Variants in CCDC141 observed in about 807,000 individuals in gnomAD.
The protein encoded by CCDC141 is coiled-coil domain-containing protein 141.
A neutral mutation model predicts 181.0 loss-of-function variants in CCDC141; 168 were observed. The observed-to-expected ratio is 0.93, with a 90% CI of 0.82 to 1.05. The LOEUF (loss-of-function observed/expected upper bound fraction) is 1.05. Among genes scored for constraint, CCDC141 ranks in the 50% least tolerant of loss-of-function variants. The pLI is 0.00. For synonymous variants in CCDC141, 666 were observed against 642.3 expected (o/e 1.04, Z -0.56); for missense variants, 1,902 against 1,788.5 (o/e 1.06, Z -1.14).
At chr2:178,895,409 T>G (rs1305948955) in intron 8 of CCDC141, among the ~76,000 whole-genome samples, 2 of 152,172 alleles carry the variant, frequency 1.3e-5, no homozygotes, top group East Asian at 1.9e-4. Flanking sequence ...GGAGGTTCTG[T>G]AGGTCCAGAT....
At chr2:178,816,963 C>T in the CCDC141 span, among the ~76,000 whole-genome samples, 2 of 152,038 alleles carry the variant, frequency 1.3e-5, no homozygotes, top group South Asian at 4.2e-4. Flanking sequence ...GGAATGAGAA[C>T]TTTGGGTTAC....
intron 20 of CCDC141, among the ~76,000 whole-genome samples, chr2:178,850,878 A>C (rs1347255146): frequency 1.3e-5 from 2 of 152,146 alleles, no homozygotes; most frequent in Non-Finnish European, 2.9e-5. Flanking sequence ...TTCTACTACT[A>C]TCCACATTTT....
At chr2:179,031,841 G>T (rs1305589732) in intron 2 of CCDC141, among the ~76,000 whole-genome samples, 2 of 152,090 alleles carry the variant, frequency 1.3e-5, no homozygotes, top group African/African-American at 4.8e-5. Context: ...AGCCTTGGGT[G>T]GTTTGGGTTT....
At chr2:178,827,147 G>T (rs549838271), downstream of CCDC141, among the ~76,000 whole-genome samples, 47 of 151,996 alleles carry the variant, frequency 3.1e-4, 1 homozygote, top group South Asian at 9.8e-3. Flanking sequence ...TAATCTACAG[G>T]TATTTCTGGA....
intron 8 of CCDC141, among the ~76,000 whole-genome samples, chr2:178,892,561 T>A (rs769332515): frequency 1.3e-5 from 2 of 152,124 alleles, no homozygotes; most frequent in Non-Finnish European, 2.9e-5. Context: ...CCTGATTCCA[T>A]CCTTTTCCAT....
intron 2 of CCDC141, among the ~76,000 whole-genome samples, chr2:179,017,817 A>G (rs2042586055): frequency 1.3e-5 from 2 of 152,134 alleles, no homozygotes; most frequent in Admixed American, 1.3e-4. Flanking sequence ...TTTACAGTGT[A>G]AGCAGACTTT....
At chr2:178,990,946 C>T (rs28764950) in intron 2 of CCDC141, among the ~76,000 whole-genome samples, 72,850 of 151,802 alleles carry the variant, frequency 0.48, 18,395 homozygotes, top group East Asian at 0.83. Flanking sequence ...TCAACAAAAA[C>T]GGATTTCAGA....
intron 5 of CCDC141, among the ~76,000 whole-genome samples, chr2:178,946,561 A>G (rs1489403034): frequency 6.6e-6 from 1 of 152,186 alleles, no homozygotes; most frequent in Non-Finnish European, 1.5e-5. Context: ...GACAGTTAAT[A>G]TAGAATCAGA....
Position 178,834,150 on chromosome 2 carries a change from G to A in CCDC141, c.*23C>T. 6.5e-7 allele frequency: 1 copy of A among 1,528,956 alleles called. No individual in the cohort carries two copies. Among genetic ancestry groups the A allele is most frequent in the Non-Finnish European group, 8.8e-7 (1 of 1,140,860 alleles). 94.7% of individuals were successfully genotyped at this position (1,528,956 alleles called of 1,614,324 possible). ...TTTTCTTTAGGCACATGAGAATGATGTCCATTGGTGCCAACACCACAGTTA... is the reference window on the plus strand; with the variant it reads ...TTTTCTTTAGGCACATGAGAATGATATCCATTGGTGCCAACACCACAGTTA... On this transcript the variant is annotated 3_prime_UTR_variant, in exon 24 of 24. Transcript: ENST00000443758.
intron 6 of CCDC141, among the ~76,000 whole-genome samples, chr2:178,927,169 GT>G: frequency 6.6e-6 from 1 of 152,134 alleles, no homozygotes; most frequent in Middle Eastern, 3.4e-3. Flanking sequence ...GCAGGCTCTG[GT>G]TTTCAGCTCA....
In CCDC141 at chr2:178,834,324, GC is replaced by G; in HGVS notation, c.4441del (p.Ala1481LeufsTer18). 1 of 1,536,026 alleles carries G rather than the reference GC, an allele frequency of 6.5e-7. No individual in the cohort carries two copies. Among genetic ancestry groups the G allele is most frequent in the Non-Finnish European group, 8.7e-7 (1 of 1,146,848 alleles). On this transcript the variant is annotated frameshift_variant, in exon 24 of 24. Transcript: ENST00000443758. LOFTEE classifies it high-confidence loss of function. ...VCKADAGLYV[A>X]RAQNSSGALS... ...AGCGCCGCTAGAGTTTTGGGCCCGA[GC>G]CACATAGAGGCCTGCGTCTGCCTTG...
At chr2:178,980,057 G>A (rs1323931604) in intron 2 of CCDC141, among the ~76,000 whole-genome samples, 3 of 151,984 alleles carry the variant, frequency 2.0e-5, no homozygotes, top group Non-Finnish European at 4.4e-5. Context: ...TCAGAAATTA[G>A]CAGGTTAGAT....
At chr2:178,826,629 C>G (rs1192303070), downstream of CCDC141, among the ~76,000 whole-genome samples, 5 of 151,854 alleles carry the variant, frequency 3.3e-5, no homozygotes, top group African/African-American at 9.7e-5. Context: ...TTCAGGTTTT[C>G]TATTTCTGCT....
Position 178,884,936 on chromosome 2 carries a change from G to T in CCDC141, c.1684C>A (p.Gln562Lys). 6.5e-7 allele frequency: 1 copy of T among 1,550,330 alleles called. No homozygotes were observed. Among genetic ancestry groups the T allele is most frequent in the Non-Finnish European group, 8.7e-7 (1 of 1,146,796 alleles). ...GACTTCAGAAATGCCACGTAAGTTTGCAGGACTTGCGATCTATAGTCAATG... is the reference window on the plus strand; with the variant it reads ...GACTTCAGAAATGCCACGTAAGTTTTCAGGACTTGCGATCTATAGTCAATG... ...QSIDYRSQVLQTYVAFLKSSE... is the reference protein window; with the variant it reads ...QSIDYRSQVLKTYVAFLKSSE... Residue 562 changes from glutamine to lysine, a missense_variant, in exon 11 of 24, where the codon CAA becomes AAA. Gln to Lys is a moderately conservative substitution (Grantham distance 53). Transcript: ENST00000443758.
At chr2:178,823,687 T>C in the CCDC141 span, among the ~76,000 whole-genome samples, 1 of 152,212 alleles carries the variant, frequency 6.6e-6, no homozygotes, top group Non-Finnish European at 1.5e-5. Flanking sequence ...AAATAATTCT[T>C]TTTGGTTTGC....
chr2:179,027,832 T>C (rs60680232), intron 2 of CCDC141, among the ~76,000 whole-genome samples: 29,431 of 151,968 alleles, frequency 0.19, 3,352 homozygotes, highest in Admixed American at 0.3. Context: ...TGCCCAGTCT[T>C]GGTATGTCTT....
intron 9 of CCDC141, 98 bp downstream of exon 9, chr2:178,888,429 G>T: frequency 9.2e-7 from 1 of 1,082,034 alleles, no homozygotes; most frequent in Non-Finnish European, 1.3e-6. Context: ...GCAGCCTAAG[G>T]AGACATGCCC....
intron 4 of CCDC141, among the ~76,000 whole-genome samples, chr2:178,966,378 C>T (rs1255149892): frequency 2.0e-5 from 3 of 152,162 alleles, no homozygotes; most frequent in Non-Finnish European, 2.9e-5. Context: ...CTCTGACTGG[C>T]GTCTAGCAGG....
At chr2:178,826,778 A>G (rs955379365), downstream of CCDC141, among the ~76,000 whole-genome samples, 9 of 152,038 alleles carry the variant, frequency 5.9e-5, no homozygotes, top group Non-Finnish European at 1.2e-4. Flanking sequence ...GGCTAGAAGT[A>G]TATCAATTTT....
Sources: allele counts gnomAD v4.1 joint callset (sites outside exome capture counted in the v4.1 genomes callset), GRCh38; gene constraint gnomAD v4.1.1; transcripts MANE v1.5; gene names NCBI Gene and HGNC (gene_info 2026-07-23, HGNC 2026-07-21).